Variants in LCORL observed in about 807,000 individuals in gnomAD.
LCORL encodes the protein ligand dependent nuclear receptor corepressor like.
A neutral mutation model predicts 141.8 loss-of-function variants in LCORL; 41 were observed. The observed-to-expected ratio is 0.29, with a 90% CI of 0.23 to 0.38. The LOEUF is 0.38. Among genes scored for constraint, LCORL ranks in the 10% least tolerant of loss-of-function variants. LCORL has a pLI of 1.00. For missense variants in LCORL, 1,759 were observed against 2,035.0 expected (o/e 0.86, Z 2.61); for synonymous variants, 618 against 694.1 (o/e 0.89, Z 1.72).
At chr4:17,902,321 A>G (rs1378522415) in intron 5 of LCORL, among the ~76,000 whole-genome samples, 2 of 152,046 alleles carry the variant, frequency 1.3e-5, no homozygotes, top group Non-Finnish European at 2.9e-5. Flanking sequence ...CTGCAGTCAG[A>G]GGAGGTTAGA....
chr4:17,869,139 G>C (rs1433823613), intron 7 of LCORL, among the ~76,000 whole-genome samples: 2 of 150,964 alleles, frequency 1.3e-5, no homozygotes, highest in African/African-American at 4.9e-5. Context: ...AATCTACACA[G>C]GGGCTTCACT....
intron 5 of LCORL, among the ~76,000 whole-genome samples, chr4:17,895,711 T>G (rs1729823251): frequency 2.6e-5 from 4 of 152,222 alleles, no homozygotes; most frequent in African/African-American, 9.6e-5. Flanking sequence ...TCCCTTGTCC[T>G]ATGACTCCTG....
chr4:17,940,756 C>T (rs1242757543), intron 4 of LCORL, among the ~76,000 whole-genome samples: 1 of 151,034 alleles, frequency 6.6e-6, no homozygotes, highest in African/African-American at 2.5e-5. Context: ...GTAATTTTTT[C>T]AACCATTCAA....
chr4:17,990,301 A>C (rs1577660492), intron 1 of LCORL, among the ~76,000 whole-genome samples: 1 of 151,876 alleles, frequency 6.6e-6, no homozygotes, highest in East Asian at 1.9e-4. Flanking sequence ...GGGTTTCACC[A>C]TGTTTGCCAG....
At chr4:17,864,441 C>T (rs558653981) in intron 7 of LCORL, among the ~76,000 whole-genome samples, 2 of 152,122 alleles carry the variant, frequency 1.3e-5, no homozygotes, top group African/African-American at 2.4e-5. Flanking sequence ...GTCTTGAACT[C>T]CAGGGCTCAA....
At chr4:17,845,222 A>C (rs890144881) in exon 8 of LCORL, 1 of 152,538 alleles carries the variant, frequency 6.6e-6, no homozygotes, top group Non-Finnish European at 1.5e-5. Context: ...TACTTGACAA[A>C]AAGCTATGAT....
At chr4:18,013,960 A>T (rs955694594) in intron 1 of LCORL, among the ~76,000 whole-genome samples, 1 of 152,006 alleles carries the variant, frequency 6.6e-6, no homozygotes, top group African/African-American at 2.4e-5. Flanking sequence ...GGAATGTGCC[A>T]CCATGCCCAG....
At chr4:17,898,657 T>G (rs1205923243) in intron 5 of LCORL, among the ~76,000 whole-genome samples, 3 of 151,356 alleles carry the variant, frequency 2.0e-5, no homozygotes, top group African/African-American at 7.3e-5. Flanking sequence ...TCACCGTTTT[T>G]TTTTTTTTTT....
chr4:17,884,670 T>G lies in LCORL; in HGVS notation c.776+1398A>C. 1 of 1,535,534 alleles carries G rather than the reference T, an allele frequency of 6.5e-7. No individual in the cohort carries two copies. The highest frequency in any genetic ancestry group is 2.4e-5 in the East Asian group (1 of 40,846). ...TTTATGTCCAGTGCTCCAGACTGAA[T>G]GTCTTTCAAAGCTTTTGAGAGCAAA... On this transcript the variant is annotated intron_variant, in intron 6 of 7. Coordinates refer to ENST00000635767, the Ensembl canonical transcript of LCORL. The surrounding 1 kb of genome is among the most constrained non-coding windows in gnomAD (Gnocchi z 4.4).
chr4:18,021,828 AGCCCCGGAGCGCGC>A lies in LCORL; in HGVS notation c.-91_-78del, dbSNP rs1014606899. 2 of 1,353,104 alleles carry A rather than the reference AGCCCCGGAGCGCGC, an allele frequency of 1.5e-6. No individual in the cohort carries two copies. The highest frequency in any genetic ancestry group is 3.5e-5 in the Admixed American group (1 of 28,924). 83.8% of individuals were successfully genotyped at this position (1,353,104 alleles called of 1,614,324 possible). A position where few individuals can be genotyped will look rare whatever the true frequency, so the allele number is the denominator to read the frequency against. On this transcript the variant is annotated 5_prime_UTR_variant, in exon 1 of 8. Coordinates refer to ENST00000635767, the Ensembl canonical transcript of LCORL. The surrounding 1 kb of genome is among the most constrained non-coding windows in gnomAD (Gnocchi z 5.5). ...GGCAGGGGCGCGAGCCCTCGGCGCG[AGCCCCGGAGCGCGC>A]GCCCCCCGGAGGGGGGTTGATTGAC...
At chr4:17,890,457 A>T (rs949811915) in intron 5 of LCORL, among the ~76,000 whole-genome samples, 5 of 152,076 alleles carry the variant, frequency 3.3e-5, no homozygotes, top group African/African-American at 1.2e-4. Flanking sequence ...GAAATACTTT[A>T]GTTCCTTAAG....
rs1412149775 is a variant in LCORL, at chr4:17,884,798, T to A, written c.776+1270A>T. 1 of 1,085,752 alleles carries A rather than the reference T, an allele frequency of 9.2e-7. No homozygotes were observed. The allele number at this position is 1,085,752 out of a possible 1,614,324, so 67.3% of individuals were successfully genotyped here. A position where few individuals can be genotyped will look rare whatever the true frequency, so the allele number is the denominator to read the frequency against. The stretch of plus-strand genomic sequence containing the variant: ...GATGGTAAACTGATGCATGAGAGAC[T>A]CTCACACAGCTATGGAAGGGGAGGG... On this transcript the variant is annotated intron_variant, in intron 6 of 7. Coordinates refer to ENST00000635767, the Ensembl canonical transcript of LCORL. This position sits in a 1 kb window ranked among gnomAD's most constrained non-coding sequence, Gnocchi z 4.4.
intron 4 of LCORL, among the ~76,000 whole-genome samples, chr4:17,914,793 T>G (rs779656773): frequency 2.0e-5 from 3 of 152,160 alleles, no homozygotes; most frequent in Non-Finnish European, 4.4e-5. Context: ...GAACAATTAT[T>G]TTTTGCCTTA....
chr4:17,859,307 C>G (rs1483592966), intron 7 of LCORL, among the ~76,000 whole-genome samples: 2 of 152,112 alleles, frequency 1.3e-5, no homozygotes, highest in African/African-American at 2.4e-5. Context: ...TTTTGACTTA[C>G]AGTATTTTCA....
chr4:17,871,710 T>A (rs1296668332), intron 7 of LCORL, among the ~76,000 whole-genome samples: 1 of 151,858 alleles, frequency 6.6e-6, no homozygotes, highest in Non-Finnish European at 1.5e-5. Flanking sequence ...TATTTTCAGA[T>A]GAATTATAAT....
chr4:17,895,201 T>C (rs1729728961), intron 5 of LCORL, among the ~76,000 whole-genome samples: 1 of 152,014 alleles, frequency 6.6e-6, no homozygotes, highest in South Asian at 2.1e-4. Flanking sequence ...CTTTTAGCTG[T>C]TTTGAACTAT....
chr4:18,012,867 GT>G (rs1161823061), intron 1 of LCORL, among the ~76,000 whole-genome samples: 1 of 152,142 alleles, frequency 6.6e-6, no homozygotes, highest in African/African-American at 2.4e-5. Context: ...ATGGTAAATG[GT>G]AACGCCCATC....
At chr4:17,905,569 A>C (rs1731480182) in intron 5 of LCORL, among the ~76,000 whole-genome samples, 1 of 152,058 alleles carries the variant, frequency 6.6e-6, no homozygotes, top group South Asian at 2.1e-4. Context: ...ACAGTAGAAA[A>C]AAAGGAAAGC....
intron 4 of LCORL, among the ~76,000 whole-genome samples, chr4:17,926,742 C>T (rs138099936): frequency 8.0e-4 from 122 of 152,288 alleles, no homozygotes; most frequent in African/African-American, 2.8e-3. Flanking sequence ...TTAGTGAACG[C>T]TAATACAGTG....
Sources: gnomAD v4.1 joint callset for allele counts (sites outside exome capture counted in the v4.1 genomes callset) on GRCh38, gnomAD v4.1.1 for gene constraint, Gnocchi (gnomAD v3.1) non-coding constraint, MANE v1.5 for transcripts, NCBI Gene and HGNC (gene_info 2026-07-23, HGNC 2026-07-21) for gene names.